The following LGR4 variants were observed in gnomAD, a reference collection of about 807,000 sequenced individuals.
LGR4 encodes the protein leucine-rich repeat-containing G protein-coupled receptor 4.
In LGR4, 44 loss-of-function variants were observed where a neutral mutation model predicts 84.8. The observed-to-expected ratio is 0.52, with a 90% CI of 0.41 to 0.67. LGR4 has a LOEUF of 0.67. Among genes scored for constraint, LGR4 ranks in the 30% least tolerant of loss-of-function variants. The pLI is 0.00. For missense variants in LGR4, 1,032 were observed against 1,131.4 expected, an observed-to-expected ratio of 0.91 and a Z score of 1.26; for synonymous variants, 429 against 434.3, an observed-to-expected ratio of 0.99 and a Z score of 0.15.
intron 1 of LGR4, among the ~76,000 whole-genome samples, chr11:27,416,698 C>CT (rs1481320703): frequency 1.3e-5 from 2 of 152,134 alleles, no homozygotes; most frequent in African/African-American, 4.8e-5. Context: ...AGATCAAATA[C>CT]TTCATTTAAA....
chr11:27,457,702 ACT>A (rs1404497326), intron 1 of LGR4, among the ~76,000 whole-genome samples: 1 of 152,080 alleles, frequency 6.6e-6, no homozygotes, highest in African/African-American at 2.4e-5. Flanking sequence ...TCATACAAAA[ACT>A]CTGTGTGAAT....
chr11:27,379,570 A>T (rs1863052574), intron 10 of LGR4, among the ~76,000 whole-genome samples: 1 of 152,004 alleles, frequency 6.6e-6, no homozygotes, highest in Non-Finnish European at 1.5e-5. Context: ...GTCACATGTG[A>T]CCATTGTAAC....
chr11:27,385,488 C>T lies in LGR4; in HGVS notation c.402-20G>A. Reference sequence around the variant, plus strand: ...AAACGCCTAACAGAAACAAAAACAACCATGTTCAGTAACAAATTCTAGTGA... The same window carrying T: ...AAACGCCTAACAGAAACAAAAACAATCATGTTCAGTAACAAATTCTAGTGA... On this transcript the variant is annotated intron_variant, in intron 4 of 17. Transcript: ENST00000379214. 1 of 1,517,884 alleles carries T rather than the reference C, an allele frequency of 6.6e-7. No homozygotes were observed. The highest frequency in any genetic ancestry group is 9.0e-7 in the Non-Finnish European group (1 of 1,106,168). 94.0% of individuals were successfully genotyped at this position (1,517,884 alleles called of 1,614,324 possible).
At chr11:27,375,881 ATTAT>A (rs1218222385) in intron 13 of LGR4, among the ~76,000 whole-genome samples, 17 of 152,252 alleles carry the variant, frequency 1.1e-4, no homozygotes, top group South Asian at 2.1e-4. Context: ...ATATTGAAAG[ATTAT>A]TTATAAAGTT....
intron 1 of LGR4, among the ~76,000 whole-genome samples, chr11:27,423,461 C>T (rs1390944350): frequency 1.3e-5 from 2 of 152,200 alleles, no homozygotes; most frequent in Non-Finnish European, 2.9e-5. Context: ...CACTCTCTCT[C>T]CTTCTCCCCT....
chr11:27,403,556 A>G (rs886945362), intron 2 of LGR4, among the ~76,000 whole-genome samples: 2 of 152,242 alleles, frequency 1.3e-5, no homozygotes, highest in Non-Finnish European at 2.9e-5. Flanking sequence ...TTATTAAATG[A>G]TGGTAAAAAC....
chr11:27,442,492 T>C (rs1864319908), intron 1 of LGR4, among the ~76,000 whole-genome samples: 1 of 152,238 alleles, frequency 6.6e-6, no homozygotes, highest in Non-Finnish European at 1.5e-5. Context: ...AATGTAGTGA[T>C]ACCTACAGAG....
intron 1 of LGR4, among the ~76,000 whole-genome samples, chr11:27,426,332 T>C (rs186004748): frequency 6.6e-6 from 1 of 152,340 alleles, no homozygotes; most frequent in African/African-American, 2.4e-5. Context: ...GGTTTTCATT[T>C]AAATACAAGT....
Position 27,368,815 on chromosome 11 carries a change from T to C in LGR4, c.1908A>G (p.Leu636=), listed in dbSNP as rs1189042026. The change falls in exon 18 of 18, where the codon TTA becomes TTG. Residue 636 remains leucine, a synonymous_variant. Coordinates refer to ENST00000379214, the MANE Select transcript of LGR4 (RefSeq NM_018490.5). ...VFSSESAIFL[L]MLATVERSLS... is the part of the protein sequence containing the mutation. ...AGCTTCTTTCGACAGTTGCTAGCAT[T>C]AATAAAAATATGGCACTTTCTGAGG... The C allele has an allele frequency of 3.1e-6, 5 of 1,614,122 alleles. No homozygotes were observed.
At chr11:27,404,927 A>G (rs1414159566) in intron 2 of LGR4, among the ~76,000 whole-genome samples, 1 of 152,194 alleles carries the variant, frequency 6.6e-6, no homozygotes, top group East Asian at 1.9e-4. Context: ...AGATCCAGTA[A>G]CATATGAAGC....
intron 2 of LGR4, among the ~76,000 whole-genome samples, chr11:27,393,924 G>A (rs1475807025): frequency 2.5e-5 from 3 of 118,954 alleles, no homozygotes; most frequent in Non-Finnish European, 5.1e-5. Context: ...ACACAGAGGC[G>A]ATTGCACTGA....
At chr11:27,398,195 G>GA (rs1306178295) in intron 2 of LGR4, among the ~76,000 whole-genome samples, 1 of 152,180 alleles carries the variant, frequency 6.6e-6, no homozygotes, top group Non-Finnish European at 1.5e-5. Flanking sequence ...CCAGCAGGGG[G>GA]AAAATGCAGG....
At chr11:27,445,262 G>C (rs1018021226) in intron 1 of LGR4, among the ~76,000 whole-genome samples, 6 of 152,166 alleles carry the variant, frequency 3.9e-5, no homozygotes, top group Non-Finnish European at 7.3e-5. Context: ...GTGCGGGCCA[G>C]TGTGAGAGAC....
Position 27,472,768 on chromosome 11 carries a change from T to G in LGR4, c.-466A>C. The G allele has an allele frequency of 3.0e-6, 1 of 335,086 alleles. No individual in the cohort carries two copies. The highest frequency in any genetic ancestry group is 7.9e-4 in the Middle Eastern group (1 of 1,258). 20.8% of individuals were successfully genotyped at this position (335,086 alleles called of 1,614,324 possible). Reference sequence around the variant, plus strand: ...GCGGCTCAATCTCTTCCCGTCCTTTTCCCTTCTAGGGTTGCACGCTCTGGT... The same window carrying G: ...GCGGCTCAATCTCTTCCCGTCCTTTGCCCTTCTAGGGTTGCACGCTCTGGT... On this transcript the variant is annotated 5_prime_UTR_variant, in exon 1 of 18. Transcript: ENST00000379214.
intron 1 of LGR4, among the ~76,000 whole-genome samples, chr11:27,459,454 A>G (rs1864639573): frequency 6.6e-6 from 1 of 151,380 alleles, no homozygotes; most frequent in Non-Finnish European, 1.5e-5. Context: ...ATGCCACCTC[A>G]GCCAGGATGG....
chr11:27,378,052 C>T lies in LGR4; in HGVS notation c.1043+645G>A, dbSNP rs554343120. Among the ~76,000 whole-genome samples the T allele has an allele frequency of 6.6e-5, 10 of 152,200 alleles. No homozygotes were observed. In the South Asian group the frequency reaches 1.9e-3, roughly 28 times the overall value. ...TAGCCCAGGTGTGTAGAAGAAACCACCGAGGTTTGTGTAAGCATACTCTAT... is the reference window on the plus strand; with the variant it reads ...TAGCCCAGGTGTGTAGAAGAAACCATCGAGGTTTGTGTAAGCATACTCTAT... On this transcript the variant is annotated intron_variant, in intron 11 of 17. Transcript: ENST00000379214.
chr11:27,384,827 A>C (rs1036271335), intron 5 of LGR4, among the ~76,000 whole-genome samples: 1 of 152,208 alleles, frequency 6.6e-6, no homozygotes, highest in Non-Finnish European at 1.5e-5. Context: ...ATTTTAAAAG[A>C]AGCACTATTT....
intron 1 of LGR4, among the ~76,000 whole-genome samples, chr11:27,464,283 C>T (rs1864737664): frequency 6.6e-6 from 1 of 152,180 alleles, no homozygotes; most frequent in South Asian, 2.1e-4. Flanking sequence ...CCAAGCCCTT[C>T]ATATGTGACC....
intron 1 of LGR4, among the ~76,000 whole-genome samples, chr11:27,452,904 T>C (rs2133445880): frequency 6.6e-6 from 1 of 152,148 alleles, no homozygotes; most frequent in South Asian, 2.1e-4. Flanking sequence ...GTATCAATAG[T>C]TTGTATACTT....
Sources: gnomAD v4.1 joint callset for allele counts (sites outside exome capture counted in the v4.1 genomes callset) on GRCh38, gnomAD v4.1.1 for gene constraint, MANE v1.5 for transcripts, NCBI Gene and HGNC (gene_info 2026-07-23, HGNC 2026-07-21) for gene names.